Variants in SLC38A9 observed in about 807,000 individuals in gnomAD.
The protein encoded by SLC38A9 is solute carrier family 38 member 9.
SLC38A9 carries 48 observed loss-of-function variants against 62.3 expected under a neutral mutation model. That is an observed-to-expected ratio of 0.77 (90% CI 0.61 to 0.98). The LOEUF (loss-of-function observed/expected upper bound fraction) is 0.98, where lower values mean the gene tolerates loss of function less well. Among genes scored for constraint, SLC38A9 ranks in the 50% least tolerant of loss-of-function variants. SLC38A9 has a pLI of 0.00. For synonymous variants in SLC38A9, 204 were observed against 227.7 expected (o/e 0.90, Z 0.94); for missense variants, 541 against 679.8 (o/e 0.80, Z 2.27).
chr5:55,628,715 A>G (rs1410235868), intron 14 of SLC38A9, among the ~76,000 whole-genome samples: 1 of 152,234 alleles, frequency 6.6e-6, no homozygotes, highest in Non-Finnish European at 1.5e-5. Context: ...TACTTTGACC[A>G]TAAAGAAAGA....
chr5:55,634,472 T>C (rs574263708), intron 13 of SLC38A9: 2 of 152,150 alleles, frequency 1.3e-5, no homozygotes, highest in East Asian at 1.9e-4. Flanking sequence ...TCCATTTTGG[T>C]TTGGTATCTT....
intron 9 of SLC38A9, among the ~76,000 whole-genome samples, chr5:55,653,473 A>G (rs1278847961): frequency 6.6e-6 from 1 of 152,198 alleles, no homozygotes; most frequent in Non-Finnish European, 1.5e-5. Context: ...AACAACAAAC[A>G]AAATCTATGG....
chr5:55,630,438 C>T lies in SLC38A9; in HGVS notation c.1431-2458G>A, dbSNP rs915217713. Among the ~76,000 whole-genome samples the T allele has an allele frequency of 3.3e-5, 5 of 152,094 alleles. No individual in the cohort carries two copies. The South Asian group carries it at 8.3e-4, about 25-fold the overall frequency. On this transcript the variant is annotated intron_variant, in intron 14 of 15. Coordinates refer to ENST00000396865, the MANE Select transcript of SLC38A9 (RefSeq NM_173514.4). The stretch of plus-strand genomic sequence containing the variant: ...GTTCAAGCAATTCTCCTACCTCAGC[C>T]TCCCGAGTACCTGGGATTACAAGCG...
intron 8 of SLC38A9, among the ~76,000 whole-genome samples, chr5:55,663,947 T>C (rs1750039938): frequency 6.6e-6 from 1 of 152,172 alleles, no homozygotes. Context: ...GCTAAACATA[T>C]ATTAAACTTT....
intron 3 of SLC38A9, chr5:55,692,542 T>C (rs947527052): frequency 2.6e-6 from 2 of 766,904 alleles, no homozygotes; most frequent in Non-Finnish European, 3.2e-6. Flanking sequence ...CAAATTAGCA[T>C]TTAGTACTGC....
At chr5:55,647,673 G>A (rs1373592367) in intron 11 of SLC38A9, among the ~76,000 whole-genome samples, 1 of 152,108 alleles carries the variant, frequency 6.6e-6, no homozygotes, top group Non-Finnish European at 1.5e-5. Context: ...TCTAATTAAG[G>A]CAAGTAAGAC....
At chr5:55,645,981 T>C (rs1746268743) in intron 11 of SLC38A9, 86 bp from the exon 12 acceptor site, 2 of 800,548 alleles carry the variant, frequency 2.5e-6, no homozygotes, top group Admixed American at 2.4e-5. Flanking sequence ...TAAAAATCAG[T>C]TGTCACTGTT....
chr5:55,673,285 G>A (rs1043884266), intron 3 of SLC38A9: 1 of 152,130 alleles, frequency 6.6e-6, no homozygotes, highest in African/African-American at 2.4e-5. Context: ...TCTACTTTTT[G>A]CGGATTTTAG....
intron 3 of SLC38A9, among the ~76,000 whole-genome samples, chr5:55,682,433 C>G (rs911410434): frequency 1.3e-5 from 2 of 152,156 alleles, no homozygotes; most frequent in Admixed American, 6.5e-5. Context: ...CCACAGGATT[C>G]TTGGTAATGC....
intron 11 of SLC38A9, among the ~76,000 whole-genome samples, chr5:55,648,620 AACAG>A (rs1746815038): frequency 6.6e-6 from 1 of 152,244 alleles, no homozygotes; most frequent in African/African-American, 2.4e-5. Flanking sequence ...GTATGAAAAA[AACAG>A]ACAGTTAAAT....
chr5:55,649,227 G>T lies in SLC38A9; in HGVS notation c.1040C>A (p.Pro347Gln). 6.3e-7 allele frequency: 1 copy of T among 1,594,016 alleles called. No individual in the cohort carries two copies. The highest frequency in any genetic ancestry group is 8.5e-7 in the Non-Finnish European group (1 of 1,171,658). ...CTCACCTGGTACAAAAAATTCTGTTGGTATAAACCAATGAAATTCCAAATG... is the reference window on the plus strand; with the variant it reads ...CTCACCTGGTACAAAAAATTCTGTTTGTATAAACCAATGAAATTCCAAATG... ...GFHLEFHWFIPTEFFVPEIRF... is the reference protein window; with the variant it reads ...GFHLEFHWFIQTEFFVPEIRF... The change falls in exon 11 of 16, where the codon CCA becomes CAA. Residue 347 changes from proline to glutamine, a missense_variant. Transcript: ENST00000396865.
At chr5:55,663,289 G>A (rs1327892640) in intron 8 of SLC38A9, among the ~76,000 whole-genome samples, 1 of 76,358 alleles carries the variant, frequency 1.3e-5, no homozygotes. Context: ...CTGATACTCT[G>A]TCTCTACAAA....
intron 14 of SLC38A9, among the ~76,000 whole-genome samples, chr5:55,629,882 G>C (rs1438875384): frequency 2.0e-5 from 3 of 152,204 alleles, no homozygotes; most frequent in Non-Finnish European, 4.4e-5. Flanking sequence ...TAGTATTAAT[G>C]AAAGTGGGTT....
intron 2 of SLC38A9, among the ~76,000 whole-genome samples, chr5:55,703,529 A>G (rs1756923233): frequency 6.6e-6 from 1 of 152,244 alleles, no homozygotes. Flanking sequence ...TAATTGTTAC[A>G]AAAATCCCAG....
At chr5:55,641,552 T>C (rs957693836) in intron 12 of SLC38A9, among the ~76,000 whole-genome samples, 4 of 152,238 alleles carry the variant, frequency 2.6e-5, no homozygotes, top group Non-Finnish European at 4.4e-5. Flanking sequence ...ATTTCCACAG[T>C]TGGCTATTTC....
At chr5:55,639,868 T>G (rs1745124642) in intron 12 of SLC38A9, among the ~76,000 whole-genome samples, 1 of 151,806 alleles carries the variant, frequency 6.6e-6, no homozygotes, top group African/African-American at 2.4e-5. Flanking sequence ...TAGTAATTAT[T>G]AATATTTTAA....
chr5:55,688,376 ATC>A (rs1261948947), intron 3 of SLC38A9, among the ~76,000 whole-genome samples: 4 of 122,614 alleles, frequency 3.3e-5, no homozygotes, highest in African/African-American at 1.2e-4. Context: ...TTAGGGCATA[ATC>A]TCTTTTTTTT....
In SLC38A9 at chr5:55,669,987, C is replaced by T. The variant is rs114556546; in HGVS notation, c.247-108G>A. 1,639 of 1,057,844 alleles carry T rather than the reference C, an allele frequency of 1.5e-3. 17 individuals are homozygous for T. In the African/African-American group the frequency reaches 0.023, roughly 15 times the overall value. The allele number at this position is 1,057,844 out of a possible 1,614,324, so 65.5% of individuals were successfully genotyped here. On this transcript the variant is annotated intron_variant, in intron 4 of 15. Transcript: ENST00000396865. The stretch of plus-strand genomic sequence containing the variant: ...TAGACACCTTTTTTTTTCTTTTGAA[C>T]GGAGTCTCGCCCTGTCGCCCAGGCT...
intron 3 of SLC38A9, among the ~76,000 whole-genome samples, chr5:55,688,448 C>T (rs563371317): frequency 6.7e-6 from 1 of 149,480 alleles, no homozygotes; most frequent in Non-Finnish European, 1.5e-5. Context: ...GGCCCGATCC[C>T]GGCTCACTGC....
Sources: gnomAD v4.1 joint callset for allele counts (sites outside exome capture counted in the v4.1 genomes callset) on GRCh38, gnomAD v4.1.1 for gene constraint, MANE v1.5 for transcripts, NCBI Gene and HGNC (gene_info 2026-07-23, HGNC 2026-07-21) for gene names.